CEP162: variants seen among roughly 807,000 people sequenced by gnomAD.
CEP162 encodes the protein centrosomal protein 162.
In CEP162, 141 loss-of-function variants were observed where a neutral mutation model predicts 169.2. The ratio of observed to expected loss-of-function variants is 0.83; its 90% CI spans 0.73 to 0.96. CEP162 has a LOEUF of 0.96. CEP162 is among the 40% of genes least tolerant of loss of function. The probability of loss-of-function intolerance (pLI) is 0.00; values close to 1 mark genes in which losing one functional copy is unlikely to be tolerated. For synonymous variants in CEP162, 540 were observed against 526.4 expected (o/e 1.03, Z -0.35); for missense variants, 1,600 against 1,587.2 (o/e 1.01, Z -0.14).
chr6:84,208,642 T>C (rs146194978), intron 6 of CEP162, among the ~76,000 whole-genome samples: 395 of 152,304 alleles, frequency 2.6e-3, no homozygotes, highest in South Asian at 5.4e-3. Flanking sequence ...TCATAAGAAA[T>C]ATGAGCTTGG....
chr6:84,212,147 G>A (rs963748884), intron 6 of CEP162, among the ~76,000 whole-genome samples: 25 of 152,120 alleles, frequency 1.6e-4, no homozygotes, highest in African/African-American at 5.8e-4. Context: ...GTTCCTAGCA[G>A]TAACCTGCAC....
At chr6:84,215,536 T>C (rs1284571053) in intron 4 of CEP162, 71 bp from the exon 5 acceptor site, 11 of 1,273,386 alleles carry the variant, frequency 8.6e-6, no homozygotes, top group Non-Finnish European at 1.2e-5. Flanking sequence ...ATGATGCATT[T>C]ATTGACATTA....
chr6:84,186,759 T>C, intron 11 of CEP162, 136 bp from the exon 12 acceptor site: 2 of 688,764 alleles, frequency 2.9e-6, no homozygotes, highest in South Asian at 2.1e-5. Flanking sequence ...GTTAATGATG[T>C]TAAATACAGT....
intron 26 of CEP162, 145 bp from the exon 27 acceptor site, chr6:84,125,421 T>C (rs972261549): frequency 2.9e-6 from 2 of 692,290 alleles, no homozygotes; most frequent in Admixed American, 5.3e-5. Flanking sequence ...ACATTTTCTG[T>C]CTTCAAGGAG....
intron 6 of CEP162, among the ~76,000 whole-genome samples, chr6:84,206,102 C>T (rs2099546847): frequency 6.7e-6 from 1 of 149,342 alleles, no homozygotes; most frequent in Admixed American, 6.6e-5. Context: ...ATTCCATGCT[C>T]ATGGATAGGA....
intron 25 of CEP162, among the ~76,000 whole-genome samples, chr6:84,141,849 A>C (rs1470168184): frequency 6.6e-6 from 1 of 152,134 alleles, no homozygotes; most frequent in African/African-American, 2.4e-5. Flanking sequence ...CTCCATTACA[A>C]AAATATTCCT....
At chr6:84,205,947 C>T (rs1489244496) in intron 6 of CEP162, among the ~76,000 whole-genome samples, 2 of 148,126 alleles carry the variant, frequency 1.4e-5, no homozygotes, top group Admixed American at 1.3e-4. Flanking sequence ...GAGAGCCAAA[C>T]ATGAGTGAAC....
At chr6:84,213,944 C>T (rs918777301) in intron 5 of CEP162, among the ~76,000 whole-genome samples, 3 of 152,116 alleles carry the variant, frequency 2.0e-5, no homozygotes, top group Admixed American at 2.0e-4. Flanking sequence ...GTAACATTTC[C>T]GACCAAACAA....
chr6:84,163,886 CA>C (rs1321548894), intron 18 of CEP162, among the ~76,000 whole-genome samples: 1 of 150,360 alleles, frequency 6.7e-6, no homozygotes, highest in African/African-American at 2.4e-5. Context: ...TTCTGCTTAG[CA>C]AAAAGAAACT....
intron 25 of CEP162, among the ~76,000 whole-genome samples, chr6:84,133,683 C>A (rs1312097815): frequency 2.0e-5 from 3 of 152,176 alleles, no homozygotes; most frequent in Non-Finnish European, 4.4e-5. Context: ...GATATAATGT[C>A]CTGGTGTGCT....
In CEP162 at chr6:84,193,662, T is replaced by C; in HGVS notation, c.1056A>G (p.Lys352=). The C allele has an allele frequency of 6.4e-7, 1 of 1,568,468 alleles. No homozygotes were observed. The highest frequency in any genetic ancestry group is 8.7e-7 in the Non-Finnish European group (1 of 1,155,278). The part of the protein sequence containing the change: ...SDLPTVEELM[K]PIRIDSFGIS... The stretch of plus-strand genomic sequence containing the variant: ...TCCCAAAGGAATCTATTCTGATAGG[T>C]TTCATCAGCTCCTCTACTGTGGGCA... The change falls in exon 11 of 27, where the codon AAA becomes AAG. Residue 352 remains lysine (K), a synonymous_variant. Coordinates refer to ENST00000403245, the MANE Select transcript of CEP162 (RefSeq NM_014895.4).
intron 6 of CEP162, among the ~76,000 whole-genome samples, chr6:84,212,031 G>T (rs2099549702): frequency 6.6e-6 from 1 of 150,582 alleles, no homozygotes; most frequent in Non-Finnish European, 1.5e-5. Flanking sequence ...TCATTAAACT[G>T]CCCGAAGGAA....
chr6:84,124,847 T>C lies in CEP162; in HGVS notation c.*223A>G, dbSNP rs1339827422. On this transcript the variant is annotated 3_prime_UTR_variant, in exon 27 of 27. Transcript: ENST00000403245. ...TCTCTGCTATAAAGGAAACTGTCCATAAATCACTTAAAATGAGACTGGTTA... is the reference window on the plus strand; with the variant it reads ...TCTCTGCTATAAAGGAAACTGTCCACAAATCACTTAAAATGAGACTGGTTA... 1.8e-6 allele frequency: 1 copy of C among 542,140 alleles called. No homozygotes were observed. The highest frequency in any genetic ancestry group is 2.0e-5 in the African/African-American group (1 of 50,810). 33.6% of individuals were successfully genotyped at this position (542,140 alleles called of 1,614,324 possible).
intron 13 of CEP162, among the ~76,000 whole-genome samples, chr6:84,175,785 T>C (rs1448440992): frequency 6.6e-6 from 1 of 152,186 alleles, no homozygotes; most frequent in Non-Finnish European, 1.5e-5. Flanking sequence ...AGAGCACATT[T>C]TTTATAAACA....
chr6:84,217,262 C>T (rs751020474), intron 3 of CEP162, among the ~76,000 whole-genome samples: 5 of 152,044 alleles, frequency 3.3e-5, no homozygotes, highest in Non-Finnish European at 5.9e-5. Context: ...TTAAATAGTA[C>T]ATTAGAAAAC....
At chr6:84,137,452 T>C (rs1173874866) in intron 25 of CEP162, among the ~76,000 whole-genome samples, 1 of 152,170 alleles carries the variant, frequency 6.6e-6, no homozygotes, top group Non-Finnish European at 1.5e-5. Flanking sequence ...TGATAATTCT[T>C]ATGAGTGGGC....
chr6:84,169,012 A>C (rs965687650), intron 18 of CEP162, among the ~76,000 whole-genome samples: 2 of 152,180 alleles, frequency 1.3e-5, no homozygotes, highest in African/African-American at 4.8e-5. Flanking sequence ...TAAGGTATAC[A>C]TGTCCTAAAT....
Position 84,171,698 on chromosome 6 carries a change from AT to A in CEP162, c.2186del (p.Asn729IlefsTer3). On this transcript the variant is annotated frameshift_variant, in exon 17 of 27. Coordinates refer to ENST00000403245, the MANE Select transcript of CEP162 (RefSeq NM_014895.4). LOFTEE classifies it high-confidence loss of function. Reference sequence around the variant, plus strand: ...TTTGTTCTTGGAGATCTTTTACTTGATTATATAATCGTTCATTTTCCTTTTT... The same window carrying A: ...TTTGTTCTTGGAGATCTTTTACTTGATATATAATCGTTCATTTTCCTTTTT... ...GYQQENERLY[N>X]QVKDLQEQNK... The A allele has an allele frequency of 6.7e-7, 1 of 1,501,472 alleles. No individual in the cohort carries two copies. The highest frequency in any genetic ancestry group is 8.9e-7 in the Non-Finnish European group (1 of 1,118,992). The allele number at this position is 1,501,472 out of a possible 1,614,324, so 93.0% of individuals were successfully genotyped here.
chr6:84,197,451 A>G (rs776458521), intron 9 of CEP162, among the ~76,000 whole-genome samples: 7 of 152,142 alleles, frequency 4.6e-5, no homozygotes, highest in Middle Eastern at 6.3e-3. Flanking sequence ...TTTACATTGA[A>G]AACAGAAGAC....
Sources: gnomAD v4.1 joint callset for allele counts (sites outside exome capture counted in the v4.1 genomes callset) on GRCh38, gnomAD v4.1.1 for gene constraint, MANE v1.5 for transcripts, NCBI Gene and HGNC (gene_info 2026-07-23, HGNC 2026-07-21) for gene names.